C7: variants seen among roughly 807,000 people sequenced by gnomAD.
C7 encodes complement component C7.
A neutral mutation model predicts 104.8 loss-of-function variants in C7; 83 were observed. The observed-to-expected ratio is 0.79, with a 90% CI of 0.66 to 0.95. C7 has a LOEUF of 0.95. C7 is among the 40% of genes least tolerant of loss of function. The pLI, the probability that C7 is intolerant of heterozygous loss-of-function variation, is 0.00. For synonymous variants in C7, 415 were observed against 360.6 expected, an observed-to-expected ratio of 1.15 and a Z score of -1.71; for missense variants, 1,070 against 1,011.2, an observed-to-expected ratio of 1.06 and a Z score of -0.79.
At chr5:40,919,751 A>T (rs1334056950) in intron 1 of C7, among the ~76,000 whole-genome samples, 1 of 151,982 alleles carries the variant, frequency 6.6e-6, no homozygotes, top group Non-Finnish European at 1.5e-5. Context: ...GAAATTAAAA[A>T]TCTTTAGATA....
At position 40,934,475 on chromosome 5, in the gene C7, T is replaced by C. The variant is rs924467790; in HGVS notation, c.280+9T>C. The C allele has an allele frequency of 6.2e-7, 1 of 1,613,124 alleles. No homozygotes were observed. The highest frequency in any genetic ancestry group is 8.5e-7 in the Non-Finnish European group (1 of 1,179,230). ...TTTCAGGTGCTTTTCAGGTAACTTG[T>C]TTTCCATAGGCTCAGCATGCAGATT... is the stretch of plus-strand genomic sequence containing the variant. On this transcript the variant is annotated intron_variant, in intron 4 of 17. Coordinates refer to ENST00000313164, the MANE Select transcript of C7 (RefSeq NM_000587.4).
intron 14 of C7, 149 bp from the exon 15 acceptor site, chr5:40,972,254 T>C: frequency 1.5e-6 from 1 of 677,828 alleles, no homozygotes; most frequent in South Asian, 1.9e-5. Context: ...GACATGTCTT[T>C]CAGTCCACCC....
intron 9 of C7, among the ~76,000 whole-genome samples, chr5:40,951,820 T>C (rs1337735613): frequency 2.0e-5 from 3 of 152,150 alleles, no homozygotes; most frequent in South Asian, 2.1e-4. Flanking sequence ...TATTGGTAGA[T>C]GAGTGCAAGA....
At position 40,967,548 on chromosome 5, in the gene C7, G is replaced by A. The variant is rs757843340; in HGVS notation, c.1882+2675G>A. ...GTGCATACACTGCACAGACTATCAC[G>A]TTCCCTTCTACACAGGTCTAAGCAA... is the stretch of plus-strand genomic sequence containing the variant. On this transcript the variant is annotated intron_variant, in intron 14 of 17. Coordinates refer to ENST00000313164, the MANE Select transcript of C7 (RefSeq NM_000587.4). 5.1e-5 allele frequency: 8 copies of A among 157,800 alleles called. No homozygotes were observed. In the South Asian group the frequency reaches 7.3e-4, roughly 14 times the overall value. The allele number at this position is 157,800 out of a possible 1,614,324, so 9.8% of individuals were successfully genotyped here. A position where few individuals can be genotyped will look rare whatever the true frequency, so the allele number is the denominator to read the frequency against.
chr5:40,981,326 G>C, intron 17 of C7, 66 bp from the exon 18 acceptor site: 1 of 1,420,122 alleles, frequency 7.0e-7, no homozygotes, highest in Non-Finnish European at 9.7e-7. Context: ...TTACTTTGGA[G>C]GTGATGTTCT....
At position 40,983,348 on chromosome 5, in the gene C7, A is replaced by G. The variant is rs116020493; in HGVS notation, c.*1775A>G. Among the ~76,000 whole-genome samples, 174 of 152,292 alleles carry G rather than the reference A, an allele frequency of 1.1e-3. 2 individuals are homozygous for G. The highest frequency in any genetic ancestry group is 4.1e-3 in the African/African-American group (170 of 41,562). ...AGATTCCTACCGCTTATGTATCACCATGCCCCCTTCCTAAATAATACAGAG... is the reference window on the plus strand; with the variant it reads ...AGATTCCTACCGCTTATGTATCACCGTGCCCCCTTCCTAAATAATACAGAG... On this transcript the variant is annotated 3_prime_UTR_variant, in exon 18 of 18. Coordinates refer to ENST00000313164, the MANE Select transcript of C7 (RefSeq NM_000587.4).
chr5:40,971,060 CTTT>C, intron 14 of C7, among the ~76,000 whole-genome samples: 1 of 152,144 alleles, frequency 6.6e-6, no homozygotes, highest in South Asian at 2.1e-4. Flanking sequence ...GTGCATGTGT[CTTT>C]ACAGTAGAAT....
Position 40,950,008 on chromosome 5 carries a change from G to A in C7, c.1087G>A (p.Ala363Thr), listed in dbSNP as rs1382606287. 5 of 1,575,922 alleles carry A rather than the reference G, an allele frequency of 3.2e-6. No individual in the cohort carries two copies. Among genetic ancestry groups the A allele is most frequent in the East Asian group, 4.5e-5 (2 of 44,186 alleles). Reference protein sequence around the residue: ...CKELENALKAASGTQNNVLRG... With the variant: ...CKELENALKATSGTQNNVLRG... The stretch of plus-strand genomic sequence containing the variant: ...GGAACTGGAAAACGCTTTAAAAGCT[G>A]CTTCAGGTAAATGGAAAAAGAGCAG... Residue 363 changes from alanine to threonine, a missense_variant, in exon 9 of 18, where the codon GCT becomes ACT. Transcript: ENST00000313164.
chr5:40,909,702 G>A (rs1394220918), intron 1 of C7, 86 bp downstream of exon 1: 22 of 934,306 alleles, frequency 2.4e-5, no homozygotes, highest in Non-Finnish European at 3.3e-5. Flanking sequence ...AAACGAAGAG[G>A]TGTAATACCT....
intron 14 of C7, among the ~76,000 whole-genome samples, chr5:40,969,622 T>C (rs1446208877): frequency 6.6e-6 from 1 of 152,174 alleles, no homozygotes; most frequent in Admixed American, 6.6e-5. Flanking sequence ...CAACTGAAGG[T>C]ATGGGCTTTC....
At chr5:40,953,503 T>A in intron 9 of C7, among the ~76,000 whole-genome samples, 1 of 152,050 alleles carries the variant, frequency 6.6e-6, no homozygotes, top group Non-Finnish European at 1.5e-5. Context: ...TAGCTGGGTG[T>A]GGTGGCGCAC....
chr5:40,919,963 A>G (rs1739405190), intron 1 of C7, among the ~76,000 whole-genome samples: 1 of 152,180 alleles, frequency 6.6e-6, no homozygotes, highest in Non-Finnish European at 1.5e-5. Flanking sequence ...AGCCAAAGTT[A>G]GCATAAGAAA....
At chr5:40,974,538 C>T (rs1579877003) in intron 15 of C7, among the ~76,000 whole-genome samples, 1 of 152,024 alleles carries the variant, frequency 6.6e-6, no homozygotes. Flanking sequence ...GCCTCAGCCT[C>T]CTGAGTAGCT....
chr5:40,975,613 C>T (rs1310843610), intron 15 of C7, among the ~76,000 whole-genome samples: 1 of 152,112 alleles, frequency 6.6e-6, no homozygotes, highest in African/African-American at 2.4e-5. Context: ...ATCTGCCTGC[C>T]TCGGCCTCCC....
chr5:40,953,410 A>G, intron 9 of C7, among the ~76,000 whole-genome samples: 1 of 152,132 alleles, frequency 6.6e-6, no homozygotes, highest in Admixed American at 6.6e-5. Flanking sequence ...TGGCAGGCTG[A>G]GGTGGGTGGA....
At chr5:40,964,236 T>G (rs1432509082) in intron 13 of C7, among the ~76,000 whole-genome samples, 1 of 151,470 alleles carries the variant, frequency 6.6e-6, no homozygotes, top group East Asian at 1.9e-4. Flanking sequence ...AGATACAGGG[T>G]TTCACTATGT....
At position 40,957,980 on chromosome 5, in the gene C7, A is replaced by T; in HGVS notation, c.1261-53A>T. ...AGTCGTGCCTAAACATGAAAAGCAA[A>T]ATATTCTTGCCTAAATCCCTGATTA... On this transcript the variant is annotated intron_variant, in intron 10 of 17. Transcript: ENST00000313164. 3 of 1,332,632 alleles carry T rather than the reference A, an allele frequency of 2.3e-6. No individual in the cohort carries two copies. In the South Asian group the frequency reaches 4.8e-5, roughly 21 times the overall value. 82.6% of individuals were successfully genotyped at this position (1,332,632 alleles called of 1,614,324 possible).
intron 1 of C7, among the ~76,000 whole-genome samples, chr5:40,924,381 A>G (rs2329430): frequency 0.23 from 34,521 of 152,150 alleles, 4,112 homozygotes; most frequent in East Asian, 0.32. Context: ...TTGGCTTTGC[A>G]GGGTTCAGCC....
At chr5:40,910,445 G>A (rs1256680128) in intron 1 of C7, among the ~76,000 whole-genome samples, 1 of 152,104 alleles carries the variant, frequency 6.6e-6, no homozygotes, top group Non-Finnish European at 1.5e-5. Context: ...TTGGGGCACC[G>A]AATCCAAGCT....
Sources: allele counts gnomAD v4.1 joint callset (sites outside exome capture counted in the v4.1 genomes callset), GRCh38; gene constraint gnomAD v4.1.1; transcripts MANE v1.5; gene names NCBI Gene and HGNC (gene_info 2026-07-23, HGNC 2026-07-21).